RAB5IF: variants seen among roughly 807,000 people sequenced by gnomAD.
RAB5IF encodes GEL complex subunit OPTI.
A neutral mutation model predicts 20.3 loss-of-function variants in RAB5IF; 15 were observed. The observed-to-expected ratio is 0.74, with a 90% CI of 0.50 to 1.14. The LOEUF (loss-of-function observed/expected upper bound fraction) is 1.14. Among genes scored for constraint, RAB5IF ranks in the 50% most tolerant of loss-of-function variants. The pLI, the probability that RAB5IF is intolerant of heterozygous loss-of-function variation, is 0.00. For synonymous variants in RAB5IF, 67 were observed against 63.7 expected (o/e 1.05, Z -0.25); for missense variants, 148 against 159.5 (o/e 0.93, Z 0.39).
At chr20:36,609,442 G>T (rs754480477) in intron 2 of RAB5IF, among the ~76,000 whole-genome samples, 159 bp from the exon 3 acceptor site, 1 of 151,834 alleles carries the variant, frequency 6.6e-6, no homozygotes, top group Non-Finnish European at 1.5e-5. Context: ...GTTTCACCAT[G>T]TTGGCTAGGC....
At chr20:36,610,665 A>T (rs2147966567) in intron 3 of RAB5IF, among the ~76,000 whole-genome samples, 1 of 151,846 alleles carries the variant, frequency 6.6e-6, no homozygotes, top group Non-Finnish European at 1.5e-5. Context: ...ACTGCACTCC[A>T]TTCCAGCCTG....
In RAB5IF at chr20:36,612,220, C is replaced by T. The variant is rs1235015518; in HGVS notation, c.*169C>T. On this transcript the variant is annotated 3_prime_UTR_variant, in exon 4 of 4. Coordinates refer to ENST00000344795, the MANE Select transcript of RAB5IF (RefSeq NM_018840.5). ...CAGTGTTTTCTGCAAGGGTTGTGAC[C>T]TGAAACTTTTTAAAAACCACCCACC... is the stretch of plus-strand genomic sequence containing the variant. 6.2e-7 allele frequency: 1 copy of T among 1,613,960 alleles called. No homozygotes were observed. The highest frequency in any genetic ancestry group is 1.7e-5 in the Admixed American group (1 of 60,002).
Position 36,609,155 on chromosome 20 carries a change from T to TTACATACA in RAB5IF, c.219-442_219-441insTACATACA, listed in dbSNP as rs1391305214. 2.1e-3 allele frequency among the ~76,000 whole-genome samples: 53 copies of TTACATACA among 25,256 alleles called. 6 individuals are homozygous for TTACATACA. The highest frequency in any genetic ancestry group is 3.1e-3 in the Admixed American group (7 of 2,224). The allele number at this position is 25,256 out of a possible 152,430, so 16.6% of individuals were successfully genotyped here. ...CTTCAAGGGGCTTTGGAGAACTATA[T>TTACATACA]TACACACACACACACACACACACAC... On this transcript the variant is annotated intron_variant, in intron 2 of 3. Transcript: ENST00000344795.
intron 2 of RAB5IF, among the ~76,000 whole-genome samples, chr20:36,609,078 C>T (rs1459495808): frequency 2.6e-5 from 4 of 151,146 alleles, no homozygotes; most frequent in Non-Finnish European, 4.4e-5. Flanking sequence ...CTGGAGCTAC[C>T]TGGAGGCCCA....
At position 36,612,125 on chromosome 20, in the gene RAB5IF, T is replaced by TG; in HGVS notation, c.*78dup. 6.2e-7 allele frequency: 1 copy of TG among 1,614,214 alleles called. No homozygotes were observed. The highest frequency in any genetic ancestry group is 2.2e-5 in the East Asian group (1 of 44,892). Reference sequence around the variant, plus strand: ...GATTACAGCACAGGAACTTGATCGTTGGGGAACCCCAGCCCCTTGGAACTT... The same window carrying TG: ...GATTACAGCACAGGAACTTGATCGTTGGGGGAACCCCAGCCCCTTGGAACTT... On this transcript the variant is annotated 3_prime_UTR_variant, in exon 4 of 4. Coordinates refer to ENST00000344795, the MANE Select transcript of RAB5IF (RefSeq NM_018840.5).
chr20:36,607,629 TTA>T (rs1178984233), intron 1 of RAB5IF, 84 bp from the exon 2 acceptor site: 1 of 1,521,360 alleles, frequency 6.6e-7, no homozygotes, highest in African/African-American at 1.4e-5. Flanking sequence ...CTGGATATGT[TTA>T]GCAGAAAGGT....
Position 36,605,900 on chromosome 20 carries a change from C to T in RAB5IF, c.-52C>T. On this transcript the variant is annotated 5_prime_UTR_variant, in exon 1 of 4. Coordinates refer to ENST00000344795, the MANE Select transcript of RAB5IF (RefSeq NM_018840.5). ...ACCTGCGACCCTAGACCCCGACTCC[C>T]TTTGGCTCAGCCCGCGCGCCCCAGG... 8.3e-7 allele frequency: 1 copy of T among 1,200,560 alleles called. No individual in the cohort carries two copies. The highest frequency in any genetic ancestry group is 1.9e-5 in the South Asian group (1 of 53,642). The allele number at this position is 1,200,560 out of a possible 1,614,324, so 74.4% of individuals were successfully genotyped here. A position where few individuals can be genotyped will look rare whatever the true frequency, so the allele number is the denominator to read the frequency against.
At chr20:36,610,351 T>C (rs1460079714) in intron 3 of RAB5IF, among the ~76,000 whole-genome samples, 1 of 152,024 alleles carries the variant, frequency 6.6e-6, no homozygotes, top group Non-Finnish European at 1.5e-5. Context: ...TGACCATCAC[T>C]TGATGAATGG....
intron 3 of RAB5IF, among the ~76,000 whole-genome samples, chr20:36,610,547 T>G (rs1380102038): frequency 1.3e-5 from 2 of 151,722 alleles, no homozygotes; most frequent in Non-Finnish European, 2.9e-5. Flanking sequence ...TTAAAAAAAT[T>G]AGCTGGGCAT....
chr20:36,610,889 G>C (rs2039094763), intron 3 of RAB5IF, among the ~76,000 whole-genome samples: 1 of 152,196 alleles, frequency 6.6e-6, no homozygotes, highest in Non-Finnish European at 1.5e-5. Flanking sequence ...TGGGAGGAGG[G>C]GATGGAGAGT....
chr20:36,609,887 C>CTT, intron 3 of RAB5IF, 157 bp downstream of exon 3: 1 of 1,294,810 alleles, frequency 7.7e-7, no homozygotes, highest in Non-Finnish European at 1.1e-6. Context: ...TGAGCCACAT[C>CTT]CCAGAAGATG....
intron 3 of RAB5IF, 136 bp from the exon 4 acceptor site, chr20:36,611,874 A>AC (rs891011442): frequency 1.2e-4 from 139 of 1,123,078 alleles, no homozygotes; most frequent in South Asian, 2.6e-4. Flanking sequence ...AATAATTTAG[A>AC]CCCCCCAAGC....
chr20:36,611,003 T>C (rs1320779106), intron 3 of RAB5IF, among the ~76,000 whole-genome samples: 1 of 152,142 alleles, frequency 6.6e-6, no homozygotes, highest in African/African-American at 2.4e-5. Flanking sequence ...GTACGCTTTA[T>C]TTTTTTGACA....
intron 1 of RAB5IF, among the ~76,000 whole-genome samples, chr20:36,606,889 C>T (rs940991065): frequency 6.6e-6 from 1 of 152,208 alleles, no homozygotes; most frequent in Non-Finnish European, 1.5e-5. Flanking sequence ...GTGGATTTTC[C>T]TTCCTGAAGT....
Position 36,609,156 on chromosome 20 carries a change from T to TACACACACACAC in RAB5IF, c.219-418_219-407dup, listed in dbSNP as rs765034845. Among the ~76,000 whole-genome samples the TACACACACACAC allele has an allele frequency of 5.5e-3, 94 of 17,058 alleles. 14 individuals are homozygous for TACACACACACAC. The highest frequency in any genetic ancestry group is 0.016 in the East Asian group (10 of 642). The allele number at this position is 17,058 out of a possible 152,430, so 11.2% of individuals were successfully genotyped here. On this transcript the variant is annotated intron_variant, in intron 2 of 3. Transcript: ENST00000344795. ...TTCAAGGGGCTTTGGAGAACTATAT[T>TACACACACACAC]ACACACACACACACACACACACACA...
chr20:36,607,985 C>A (rs1171516332), intron 2 of RAB5IF, 167 bp downstream of exon 2: 1 of 1,489,586 alleles, frequency 6.7e-7, no homozygotes, highest in Non-Finnish European at 9.0e-7. Context: ...TGCACCACTC[C>A]TCAGGAGCAT....
chr20:36,612,397 A>T lies in RAB5IF; in HGVS notation c.*346A>T. ...ATTAAATTGTCTTCCTCGATTCTCCATCGGGTGTAGAGTTTTTAAACTATC... is the reference window on the plus strand; with the variant it reads ...ATTAAATTGTCTTCCTCGATTCTCCTTCGGGTGTAGAGTTTTTAAACTATC... On this transcript the variant is annotated 3_prime_UTR_variant, in exon 4 of 4. Coordinates refer to ENST00000344795, the MANE Select transcript of RAB5IF (RefSeq NM_018840.5). The T allele has an allele frequency of 1.5e-6, 1 of 658,358 alleles. No individual in the cohort carries two copies. The allele number at this position is 658,358 out of a possible 1,614,324, so 40.8% of individuals were successfully genotyped here.
intron 3 of RAB5IF, among the ~76,000 whole-genome samples, chr20:36,611,748 C>T (rs569467842): frequency 1.4e-4 from 21 of 152,180 alleles, no homozygotes; most frequent in East Asian, 3.9e-4. Context: ...CACATCTGCA[C>T]CTCAATTCCC....
intron 1 of RAB5IF, among the ~76,000 whole-genome samples, chr20:36,606,545 GTACAT>G (rs1220831078): frequency 1.3e-5 from 2 of 152,170 alleles, no homozygotes; most frequent in South Asian, 4.1e-4. Flanking sequence ...GGGTACTGTG[GTACAT>G]TAAAGCCTTT....
Sources: gnomAD v4.1 joint callset for allele counts (sites outside exome capture counted in the v4.1 genomes callset) on GRCh38, gnomAD v4.1.1 for gene constraint, MANE v1.5 for transcripts, NCBI Gene and HGNC (gene_info 2026-07-23, HGNC 2026-07-21) for gene names.